Variants in PIP4K2A observed in about 807,000 individuals in gnomAD.
PIP4K2A encodes phosphatidylinositol-5-phosphate 4-kinase type 2 alpha, also known as phosphatidylinositol 5-phosphate 4-kinase type-2 alpha.
PIP4K2A carries 14 observed loss-of-function variants against 42.9 expected under a neutral mutation model. That is an observed-to-expected ratio of 0.33 (90% CI 0.22 to 0.51). The LOEUF is 0.51. Among genes scored for constraint, PIP4K2A ranks in the 20% least tolerant of loss-of-function variants. The pLI, the probability that PIP4K2A is intolerant of heterozygous loss-of-function variation, is 0.97. For synonymous variants in PIP4K2A, 192 were observed against 192.2 expected, an observed-to-expected ratio of 1.00 and a Z score of 0.01; for missense variants, 434 against 519.8, an observed-to-expected ratio of 0.83 and a Z score of 1.61.
chr10:22,692,117 A>G (rs1281669937), intron 1 of PIP4K2A, among the ~76,000 whole-genome samples: 1 of 151,530 alleles, frequency 6.6e-6, no homozygotes, highest in African/African-American at 2.4e-5. Context: ...AATCAGTGGG[A>G]GCCCTGAGCT....
intron 1 of PIP4K2A, among the ~76,000 whole-genome samples, chr10:22,624,448 C>T (rs192094603): frequency 6.6e-6 from 1 of 152,312 alleles, no homozygotes; most frequent in Non-Finnish European, 1.5e-5. Context: ...TTTAGAATTG[C>T]ATCAAAGTAA....
At chr10:22,646,646 C>T (rs974060759) in intron 1 of PIP4K2A, among the ~76,000 whole-genome samples, 17 of 152,202 alleles carry the variant, frequency 1.1e-4, no homozygotes, top group African/African-American at 4.1e-4. Flanking sequence ...GTAAAAGCCA[C>T]AGTATACAAC....
intron 1 of PIP4K2A, among the ~76,000 whole-genome samples, chr10:22,652,237 C>T (rs998942091): frequency 5.9e-5 from 9 of 152,180 alleles, no homozygotes; most frequent in Middle Eastern, 6.8e-3. Context: ...ATTCTCCTGC[C>T]TCAGTCTCCC....
chr10:22,607,868 G>A (rs1424065435), intron 3 of PIP4K2A, 59 bp downstream of exon 3: 1 of 1,047,950 alleles, frequency 9.5e-7, no homozygotes. Context: ...AATTGACACA[G>A]CAAAAGTCAT....
chr10:22,567,594 A>G lies in PIP4K2A; in HGVS notation c.678+257T>C, dbSNP rs1317435677. 7 of 696,834 alleles carry G rather than the reference A, an allele frequency of 1.0e-5. No individual in the cohort carries two copies. The East Asian group carries it at 1.7e-4, about 17-fold the overall frequency. 43.2% of individuals were successfully genotyped at this position (696,834 alleles called of 1,614,324 possible). On this transcript the variant is annotated intron_variant, in intron 6 of 9. Transcript: ENST00000376573. ...ACTGCACAGGTGGCTGTGTTTTTCAAGAGCAAGTTGCATGTGGAATGTTCC... is the reference window on the plus strand; with the variant it reads ...ACTGCACAGGTGGCTGTGTTTTTCAGGAGCAAGTTGCATGTGGAATGTTCC...
At position 22,542,168 on chromosome 10, in the gene PIP4K2A, G is replaced by A. The variant is rs146087683; in HGVS notation, c.793-121C>T. The A allele has an allele frequency of 3.4e-3, 2,615 of 769,758 alleles. 29 individuals are homozygous for A. Among genetic ancestry groups the A allele is most frequent in the African/African-American group, 0.033 (1,930 of 57,660 alleles). 47.7% of individuals were successfully genotyped at this position (769,758 alleles called of 1,614,324 possible). A position where few individuals can be genotyped will look rare whatever the true frequency, so the allele number is the denominator to read the frequency against. ...TGTGGGGTGGGGCAGCAGAGGCGCC[G>A]GGTGCCTCCTTCACGATGCTCTTAC... is the stretch of plus-strand genomic sequence containing the variant. On this transcript the variant is annotated intron_variant, in intron 7 of 9. Coordinates refer to ENST00000376573, the MANE Select transcript of PIP4K2A (RefSeq NM_005028.5).
intron 4 of PIP4K2A, among the ~76,000 whole-genome samples, chr10:22,580,128 T>G (rs1289194196): frequency 6.6e-6 from 1 of 151,754 alleles, no homozygotes; most frequent in Non-Finnish European, 1.5e-5. Flanking sequence ...AGACACGGGT[T>G]GTATCTTTAA....
chr10:22,708,363 C>T (rs1273723628), intron 1 of PIP4K2A, among the ~76,000 whole-genome samples: 2 of 152,140 alleles, frequency 1.3e-5, no homozygotes, highest in Admixed American at 6.5e-5. Flanking sequence ...AGTGTCCCTG[C>T]TCCTCCGGTG....
intron 1 of PIP4K2A, among the ~76,000 whole-genome samples, chr10:22,672,967 G>A (rs1048197620): frequency 6.6e-6 from 1 of 152,174 alleles, no homozygotes; most frequent in Non-Finnish European, 1.5e-5. Context: ...TCTAGGTAAG[G>A]AAACGGAGAT....
At chr10:22,593,840 A>G (rs756365536) in intron 3 of PIP4K2A, among the ~76,000 whole-genome samples, 2 of 152,368 alleles carry the variant, frequency 1.3e-5, no homozygotes, top group East Asian at 1.9e-4. Flanking sequence ...AACTGACAAT[A>G]CGTGTAAAAC....
chr10:22,627,705 C>T (rs1054428953), intron 1 of PIP4K2A, among the ~76,000 whole-genome samples: 3 of 149,996 alleles, frequency 2.0e-5, no homozygotes, highest in Admixed American at 1.3e-4. Flanking sequence ...TTCATTGCTG[C>T]CACCTCACCA....
At chr10:22,630,067 T>C (rs929115802) in intron 1 of PIP4K2A, among the ~76,000 whole-genome samples, 2 of 151,952 alleles carry the variant, frequency 1.3e-5, no homozygotes, top group Admixed American at 1.3e-4. Context: ...CCAGGCGCAG[T>C]AGCTCATGCT....
At chr10:22,610,368 T>A (rs766181154) in intron 1 of PIP4K2A, among the ~76,000 whole-genome samples, 19 of 152,220 alleles carry the variant, frequency 1.2e-4, no homozygotes, top group Non-Finnish European at 2.6e-4. Flanking sequence ...CAAGTTCCAG[T>A]GAATGAAAGG....
chr10:22,567,466 G>C, intron 6 of PIP4K2A: 2 of 417,104 alleles, frequency 4.8e-6, no homozygotes, highest in Admixed American at 6.6e-5. Flanking sequence ...AATGTATTCA[G>C]GGTCACATTC....
Position 22,611,932 on chromosome 10 carries a change from C to T in PIP4K2A, c.145-2215G>A, listed in dbSNP as rs1345221180. Reference sequence around the variant, plus strand: ...ATTATTTAAATGCGCGTGATGTGTTCAGCAGATCCTCCAAAGCTTTGATGC... The same window carrying T: ...ATTATTTAAATGCGCGTGATGTGTTTAGCAGATCCTCCAAAGCTTTGATGC... On this transcript the variant is annotated intron_variant, in intron 1 of 9. Transcript: ENST00000376573. Among the ~76,000 whole-genome samples, 3 of 152,306 alleles carry T rather than the reference C, an allele frequency of 2.0e-5. No homozygotes were observed. The South Asian group carries it at 6.2e-4, about 32-fold the overall frequency.
intron 6 of PIP4K2A, among the ~76,000 whole-genome samples, chr10:22,557,104 T>G (rs1185315741): frequency 6.6e-6 from 1 of 152,138 alleles, no homozygotes; most frequent in East Asian, 1.9e-4. Context: ...CAATACAAGG[T>G]ATCAATGATC....
intron 1 of PIP4K2A, among the ~76,000 whole-genome samples, chr10:22,664,077 G>GTATATATATATACATATA (rs1839269464): frequency 2.6e-5 from 1 of 37,764 alleles, no homozygotes; most frequent in African/African-American, 2.0e-4. Context: ...ATATATATAC[G>GTATATATATATACATATA]TATATATATA....
At chr10:22,630,952 T>C (rs1838534399) in intron 1 of PIP4K2A, among the ~76,000 whole-genome samples, 1 of 152,112 alleles carries the variant, frequency 6.6e-6, no homozygotes, top group East Asian at 1.9e-4. Flanking sequence ...TAAATACTAA[T>C]GGACAGGAAC....
chr10:22,635,129 A>G (rs554507545), intron 1 of PIP4K2A, among the ~76,000 whole-genome samples: 23 of 152,196 alleles, frequency 1.5e-4, no homozygotes, highest in Non-Finnish European at 2.9e-4. Context: ...TTTGGGGGGC[A>G]GTGACACTAT....
Sources: allele counts gnomAD v4.1 joint callset (sites outside exome capture counted in the v4.1 genomes callset), GRCh38; gene constraint gnomAD v4.1.1; transcripts MANE v1.5; gene names NCBI Gene and HGNC (gene_info 2026-07-23, HGNC 2026-07-21).